The following AKR1C3 variants were observed in gnomAD, a reference collection of about 807,000 sequenced individuals.
The protein encoded by AKR1C3 is aldo-keto reductase family 1 member C3.
A neutral mutation model predicts 43.6 loss-of-function variants in AKR1C3; 48 were observed. The observed-to-expected ratio is 1.10, with a 90% CI of 0.87 to 1.40. The LOEUF is 1.40. Among genes scored for constraint, AKR1C3 ranks in the 40% most tolerant of loss-of-function variants. The probability of loss-of-function intolerance (pLI) is 0.00; values close to 1 mark genes in which losing one functional copy is unlikely to be tolerated. For missense variants in AKR1C3, 482 were observed against 391.2 expected (o/e 1.23, Z -1.96); for synonymous variants, 162 against 139.6 (o/e 1.16, Z -1.13).
At chr10:5,057,489 C>A (rs1214139533) in intron 1 of AKR1C3, among the ~76,000 whole-genome samples, 2 of 139,268 alleles carry the variant, frequency 1.4e-5, no homozygotes, top group African/African-American at 2.7e-5. Context: ...TTAAACTTAT[C>A]TTTTAGAATC....
At chr10:5,049,013 T>A in intron 1 of AKR1C3, 1 of 751,894 alleles carries the variant, frequency 1.3e-6, no homozygotes. Flanking sequence ...CAACCTGAGT[T>A]TCCCTAGGTT....
chr10:5,086,701 G>A (rs1186155970), intron 1 of AKR1C3, among the ~76,000 whole-genome samples: 1 of 152,158 alleles, frequency 6.6e-6, no homozygotes, highest in Non-Finnish European at 1.5e-5. Flanking sequence ...CTATTATTGT[G>A]TGGGAATCTA....
chr10:5,049,009 G>A (rs10736995), intron 1 of AKR1C3: 425,316 of 777,694 alleles, frequency 0.55, 119,971 homozygotes, highest in East Asian at 0.79. Context: ...ACTCCAACCT[G>A]AGTTTCCCTA....
chr10:5,063,031 G>A lies in AKR1C3; in HGVS notation c.84+14136G>A, dbSNP rs145173878. Among the ~76,000 whole-genome samples, 332 of 152,248 alleles carry A rather than the reference G, an allele frequency of 2.2e-3. 2 individuals are homozygous for A. The highest frequency in any genetic ancestry group is 7.8e-3 in the African/African-American group (323 of 41,548). ...GTGAATAATTCAGGATGAAGGAGAG[G>A]AAATAGATAGTAACTAACAGCCATT... On this transcript the variant is annotated intron_variant, in intron 1 of 8. Transcript: ENST00000439082.
intron 1 of AKR1C3, 37 bp from the exon 2 acceptor site, chr10:5,096,373 A>G: frequency 6.3e-7 from 1 of 1,598,882 alleles, no homozygotes; most frequent in Non-Finnish European, 8.5e-7. Context: ...TCTCAGCCAC[A>G]GTGATCACCA....
chr10:5,063,936 A>G (rs1564356098), intron 1 of AKR1C3, among the ~76,000 whole-genome samples: 1 of 152,052 alleles, frequency 6.6e-6, no homozygotes, highest in South Asian at 2.1e-4. Flanking sequence ...TCTCAATGTC[A>G]TTGCCTCGCC....
At chr10:5,078,037 A>G (rs566184474) in intron 1 of AKR1C3, 1 of 653,098 alleles carries the variant, frequency 1.5e-6, no homozygotes, top group South Asian at 1.7e-5. Flanking sequence ...TATGATTACT[A>G]TATTTTGTAA....
At chr10:5,100,645 C>T (rs1160919482) in intron 5 of AKR1C3, among the ~76,000 whole-genome samples, 1 of 152,040 alleles carries the variant, frequency 6.6e-6, no homozygotes, top group African/African-American at 2.4e-5. Flanking sequence ...AACTTAGAGC[C>T]AATGAGTAAA....
intron 5 of AKR1C3, among the ~76,000 whole-genome samples, chr10:5,100,592 A>T (rs1839322014): frequency 6.6e-6 from 1 of 151,990 alleles, no homozygotes; most frequent in Admixed American, 6.6e-5. Context: ...AATTAAAGTC[A>T]CTCTACCTTT....
rs549867755 is a variant in AKR1C3 at position 5,077,972 on chromosome 10, T to C, written c.85-18438T>C. The C allele has an allele frequency of 8.8e-6, 6 of 682,980 alleles. 1 individual carries two copies. The East Asian group carries it at 1.4e-4, about 16-fold the overall frequency. The allele number at this position is 682,980 out of a possible 1,614,324, so 42.3% of individuals were successfully genotyped here. On this transcript the variant is annotated intron_variant, in intron 1 of 8. Coordinates refer to the AKR1C3 transcript ENST00000439082. The stretch of plus-strand genomic sequence containing the variant: ...CAACTGTTCAAGAAGGATGCAAATA[T>C]CACAGGTAAGAATCCTACATTTTCT...
At chr10:5,085,057 A>AG (rs1838932461) in intron 1 of AKR1C3, among the ~76,000 whole-genome samples, 1 of 152,118 alleles carries the variant, frequency 6.6e-6, no homozygotes. Flanking sequence ...TTCCTAATTG[A>AG]ATACCCTTTA....
chr10:5,099,478 G>A (rs781800025), intron 5 of AKR1C3, 29 bp downstream of exon 5: 13 of 1,613,748 alleles, frequency 8.1e-6, no homozygotes, highest in East Asian at 6.7e-5. Flanking sequence ...CTCTCCTTTC[G>A]GTTCTTCATG....
intron 1 of AKR1C3, among the ~76,000 whole-genome samples, chr10:5,074,506 A>G (rs1756176617): frequency 6.6e-6 from 1 of 152,190 alleles, no homozygotes; most frequent in South Asian, 2.1e-4. Flanking sequence ...CTTAGGAAAG[A>G]TTAACTGACG....
In AKR1C3 at chr10:5,107,593, C is replaced by T. The variant is rs973075844; in HGVS notation, c.*90C>T. 1 of 1,039,756 alleles carries T rather than the reference C, an allele frequency of 9.6e-7. No homozygotes were observed. The highest frequency in any genetic ancestry group is 1.5e-6 in the Non-Finnish European group (1 of 681,424). 64.4% of individuals were successfully genotyped at this position (1,039,756 alleles called of 1,614,324 possible). On this transcript the variant is annotated 3_prime_UTR_variant, in exon 9 of 9. Coordinates refer to ENST00000380554, the MANE Select transcript of AKR1C3 (RefSeq NM_003739.6). ...TCTATGCCGGTGACTGGACATATCA[C>T]CTCTACTTAAATCCGTCCTGTTTAG...
At chr10:5,094,962 G>A (rs1839174000) in intron 1 of AKR1C3, among the ~76,000 whole-genome samples, 1 of 152,048 alleles carries the variant, frequency 6.6e-6, no homozygotes, top group Non-Finnish European at 1.5e-5. Flanking sequence ...AAAACTGTCG[G>A]CAGAGTATCA....
At chr10:5,082,618 A>C (rs573877450) in intron 1 of AKR1C3, among the ~76,000 whole-genome samples, 26 of 152,154 alleles carry the variant, frequency 1.7e-4, no homozygotes, top group Non-Finnish European at 3.5e-4. Flanking sequence ...TGTATGTTTA[A>C]TCATCCTTGC....
upstream of AKR1C3, among the ~76,000 whole-genome samples, chr10:5,089,438 T>C (rs1484166331): frequency 1.3e-5 from 2 of 152,158 alleles, no homozygotes; most frequent in Non-Finnish European, 2.9e-5. Flanking sequence ...TTTGTTCATT[T>C]ATAACAATTA....
intron 1 of AKR1C3, among the ~76,000 whole-genome samples, chr10:5,095,086 C>G (rs1460007033): frequency 6.6e-6 from 1 of 151,752 alleles, no homozygotes; most frequent in Non-Finnish European, 1.5e-5. Context: ...AATACCACCT[C>G]ATTTTAAGTA....
intron 7 of AKR1C3, among the ~76,000 whole-genome samples, chr10:5,104,948 T>C (rs1243136515): frequency 6.6e-6 from 1 of 151,618 alleles, no homozygotes; most frequent in East Asian, 1.9e-4. Context: ...TTTTATTCTC[T>C]CTCTCTCATT....
Sources: allele counts gnomAD v4.1 joint callset (sites outside exome capture counted in the v4.1 genomes callset), GRCh38; gene constraint gnomAD v4.1.1; transcripts MANE v1.5; gene names NCBI Gene and HGNC (gene_info 2026-07-23, HGNC 2026-07-21).